UQCRC2: variants seen among roughly 807,000 people sequenced by gnomAD.
The protein encoded by UQCRC2 is cytochrome b-c1 complex subunit 2, mitochondrial.
In UQCRC2, 49 loss-of-function variants were observed where a neutral mutation model predicts 55.6. The observed-to-expected ratio is 0.88, with a 90% CI of 0.70 to 1.12. The LOEUF is 1.12. UQCRC2 is among the 50% of genes most tolerant of loss of function. UQCRC2 has a pLI of 0.00. For missense variants in UQCRC2, 506 were observed against 547.8 expected (o/e 0.92, Z 0.76); for synonymous variants, 193 against 192.0 (o/e 1.01, Z -0.04).
intron 6 of UQCRC2, 72 bp downstream of exon 6, chr16:21,962,957 A>C: frequency 6.6e-7 from 1 of 1,512,252 alleles, no homozygotes; most frequent in Non-Finnish European, 8.9e-7. Flanking sequence ...ATAGAAGAAA[A>C]AAAATTGCTG....
In UQCRC2 at chr16:21,957,440, G is replaced by T; in HGVS notation, c.141G>T (p.Leu47Phe). 1 of 1,614,020 alleles carries T rather than the reference G, an allele frequency of 6.2e-7. No individual in the cohort carries two copies. The highest frequency in any genetic ancestry group is 8.5e-7 in the Non-Finnish European group (1 of 1,179,992). The change falls in exon 3 of 14, where the codon TTG becomes TTT. Residue 47 changes from leucine to phenylalanine, a missense_variant. Leu to Phe is a conservative substitution (Grantham distance 22, BLOSUM62 0). Transcript: ENST00000268379. ...AGTTTACCAAGTTACCAAATGGCTT[G>T]GTGATTGCTTCTTTGGAAAACTATT... ...DLEFTKLPNG[L>F]VIASLENYSP... is the part of the protein sequence containing the mutation.
chr16:21,970,936 T>C (rs1700972876), intron 8 of UQCRC2, among the ~76,000 whole-genome samples: 1 of 152,148 alleles, frequency 6.6e-6, no homozygotes. Flanking sequence ...AAGTTTTTTT[T>C]TTTAATTGTT....
At chr16:21,974,373 C>T (rs1898533685) in intron 11 of UQCRC2, among the ~76,000 whole-genome samples, 1 of 152,066 alleles carries the variant, frequency 6.6e-6, no homozygotes, top group African/African-American at 2.4e-5. Flanking sequence ...TTCTGGGAAA[C>T]AACACCATTT....
intron 8 of UQCRC2, 49 bp from the exon 9 acceptor site, chr16:21,971,476 T>TA: frequency 7.0e-7 from 1 of 1,419,302 alleles, no homozygotes; most frequent in Admixed American, 2.0e-5. Flanking sequence ...TTTACGATTG[T>TA]GTTTTAGTAA....
At chr16:21,960,269 T>C (rs1316113260) in intron 4 of UQCRC2, among the ~76,000 whole-genome samples, 2 of 152,226 alleles carry the variant, frequency 1.3e-5, no homozygotes, top group Non-Finnish European at 2.9e-5. Context: ...ATATTAGCAT[T>C]TGCTGCTTCA....
intron 1 of UQCRC2, 102 bp from the exon 2 acceptor site, chr16:21,957,133 C>A: frequency 9.2e-7 from 1 of 1,091,644 alleles, no homozygotes; most frequent in South Asian, 1.4e-5. Context: ...CTCCTTCCAC[C>A]CCCGAACACC....
intron 7 of UQCRC2, among the ~76,000 whole-genome samples, chr16:21,966,988 G>A (rs1209235888): frequency 6.6e-6 from 1 of 152,102 alleles, no homozygotes; most frequent in Non-Finnish European, 1.5e-5. Flanking sequence ...GCAATTTATG[G>A]ATTAGGACAT....
At chr16:21,962,995 A>T (rs919820369) in intron 6 of UQCRC2, 110 bp downstream of exon 6, 59 of 1,342,122 alleles carry the variant, frequency 4.4e-5, no homozygotes, top group Non-Finnish European at 5.8e-5. Context: ...ATTTTTATTT[A>T]TTTATTGTTT....
chr16:21,974,859 T>C (rs1469111986), intron 11 of UQCRC2, among the ~76,000 whole-genome samples: 5 of 152,222 alleles, frequency 3.3e-5, no homozygotes, highest in African/African-American at 1.2e-4. Flanking sequence ...TTGGAAGATA[T>C]TGGGAAGATG....
chr16:21,965,637 C>A, intron 7 of UQCRC2, 132 bp downstream of exon 7: 1 of 692,002 alleles, frequency 1.4e-6, no homozygotes, highest in Non-Finnish European at 2.1e-6. Context: ...GCTTTTTCAT[C>A]CACCTGCTTT....
rs1367442811 is a variant in UQCRC2 at position 21,980,572 on chromosome 16, A to G, written c.1150A>G (p.Met384Val). The change falls in exon 13 of 14, where the codon ATG becomes GTG. Residue 384 changes from methionine to valine, a missense_variant. Transcript: ENST00000268379. ...AKNKLKAGYL[M>V]SVESSECFLE... ...GAACAAGCTGAAAGCTGGATACCTAATGTCAGTGGAGTCTTCTGAGTGTTT... is the reference window on the plus strand; with the variant it reads ...GAACAAGCTGAAAGCTGGATACCTAGTGTCAGTGGAGTCTTCTGAGTGTTT... 3 of 1,614,142 alleles carry G rather than the reference A, an allele frequency of 1.9e-6. No homozygotes were observed. The highest frequency in any genetic ancestry group is 2.5e-6 in the Non-Finnish European group (3 of 1,180,024).
chr16:21,969,308 CG>C, intron 8 of UQCRC2, among the ~76,000 whole-genome samples: 1 of 152,100 alleles, frequency 6.6e-6, no homozygotes. Flanking sequence ...CTGAGGCGGG[CG>C]GATCACCTGA....
intron 9 of UQCRC2, 87 bp from the exon 10 acceptor site, chr16:21,971,836 A>G (rs1048138774): frequency 1.3e-5 from 20 of 1,571,326 alleles, no homozygotes; most frequent in Non-Finnish European, 1.7e-5. Flanking sequence ...CTCGTGGGTT[A>G]ATACTGTGTT....
chr16:21,962,419 C>T (rs1293866237), intron 4 of UQCRC2, 41 bp from the exon 5 acceptor site: 10 of 1,609,958 alleles, frequency 6.2e-6, no homozygotes, highest in Non-Finnish European at 8.5e-6. Flanking sequence ...AGCTTACTAT[C>T]CTGATTCAGA....
chr16:21,967,995 T>C (rs1898368716), intron 7 of UQCRC2, among the ~76,000 whole-genome samples: 1 of 151,740 alleles, frequency 6.6e-6, no homozygotes, highest in African/African-American at 2.4e-5. Context: ...AATTTCTTTT[T>C]ATTCCTTTTT....
chr16:21,971,779 G>A (rs1898467266), intron 9 of UQCRC2, 144 bp from the exon 10 acceptor site: 1 of 1,339,032 alleles, frequency 7.5e-7, no homozygotes, highest in Admixed American at 1.9e-5. Context: ...TTTTGTGTGT[G>A]TTTGGGGACA....
intron 7 of UQCRC2, 164 bp downstream of exon 7, chr16:21,965,669 C>A (rs1898308315): frequency 3.7e-6 from 2 of 540,588 alleles, no homozygotes; most frequent in East Asian, 3.4e-5. Flanking sequence ...TTTATCTGAA[C>A]AATTTTTGTG....
intron 4 of UQCRC2, chr16:21,962,082 C>A: frequency 5.5e-6 from 1 of 181,684 alleles, no homozygotes; most frequent in Non-Finnish European, 1.2e-5. Context: ...TGCTCATTCT[C>A]CCCTCCCCTC....
intron 9 of UQCRC2, 108 bp downstream of exon 9, chr16:21,971,728 C>A: frequency 2.2e-6 from 3 of 1,347,316 alleles, no homozygotes; most frequent in South Asian, 1.3e-5. Context: ...ACAGTCTCGG[C>A]ATAGAATTGG....
Sources: allele counts gnomAD v4.1 joint callset (sites outside exome capture counted in the v4.1 genomes callset), GRCh38; gene constraint gnomAD v4.1.1; transcripts MANE v1.5; gene names NCBI Gene and HGNC (gene_info 2026-07-23, HGNC 2026-07-21).